Variants in SEC31A observed in about 807,000 individuals in gnomAD.
SEC31A encodes the protein SEC31 homolog A, COPII component, also known as protein transport protein Sec31A.
Under a neutral mutation model 151.0 loss-of-function variants are expected in SEC31A, and 70 were observed. That is an observed-to-expected ratio of 0.46 (90% CI 0.38 to 0.57). The LOEUF (loss-of-function observed/expected upper bound fraction) is 0.57. SEC31A is among the 20% of genes least tolerant of loss of function. SEC31A has a pLI of 0.00. For synonymous variants in SEC31A, 475 were observed against 505.9 expected (o/e 0.94, Z 0.82); for missense variants, 1,330 against 1,471.2 (o/e 0.90, Z 1.57).
chr4:82,870,781 G>A (rs767503459), intron 7 of SEC31A, among the ~76,000 whole-genome samples: 6 of 152,030 alleles, frequency 3.9e-5, no homozygotes, highest in Admixed American at 2.6e-4. Context: ...ACTTAGTAAC[G>A]TATATGCTAT....
chr4:82,837,185 ATATATATATATATAATT>A (rs1727549233), intron 22 of SEC31A, among the ~76,000 whole-genome samples: 2 of 53,034 alleles, frequency 3.8e-5, no homozygotes, highest in Admixed American at 5.9e-4. Flanking sequence ...ATATATATAT[ATATATATATATATAATT>A]TCACCACAAT....
At chr4:82,854,394 T>C (rs1336375536) in intron 17 of SEC31A, among the ~76,000 whole-genome samples, 2 of 152,026 alleles carry the variant, frequency 1.3e-5, no homozygotes, top group Admixed American at 6.6e-5. Flanking sequence ...GTTAGTATTT[T>C]GTAATTTTTA....
chr4:82,891,249 G>C (rs1719702178), upstream of SEC31A: 1 of 1,392,296 alleles, frequency 7.2e-7, no homozygotes, highest in African/African-American at 1.4e-5. Flanking sequence ...ACACTTCCGG[G>C]AGCGACATCT....
chr4:82,865,535 G>A (rs1735113025), intron 10 of SEC31A, among the ~76,000 whole-genome samples: 1 of 81,582 alleles, frequency 1.2e-5, no homozygotes, highest in Non-Finnish European at 2.6e-5. Context: ...AAAAAAATGT[G>A]GTATATATAT....
In SEC31A at chr4:82,880,876, G is replaced by A. The variant is rs1329512859; in HGVS notation, c.126C>T (p.Ser42=). The A allele has an allele frequency of 1.2e-6, 2 of 1,611,296 alleles. No individual in the cohort carries two copies. Among genetic ancestry groups the A allele is most frequent in the Non-Finnish European group, 8.5e-7 (1 of 1,177,820 alleles). ...AGAGGTCTAATTCAAATATCTCAAG[G>A]GAAGCATTCGTACTAAATGTTGCAT... ...QLDATFSTNA[S]LEIFELDLSD... The change falls in exon 3 of 27, where the codon TCC becomes TCT. Residue 42 remains serine (S), a synonymous_variant. Transcript: ENST00000395310.
chr4:82,851,391 A>T (rs747525072), intron 19 of SEC31A, 40 bp downstream of exon 19: 3 of 1,544,022 alleles, frequency 1.9e-6, no homozygotes, highest in Non-Finnish European at 2.7e-6. Flanking sequence ...TACTGGACTC[A>T]CCTTACTCAA....
chr4:82,857,979 A>G (rs1446593455), intron 14 of SEC31A: 3 of 403,132 alleles, frequency 7.4e-6, no homozygotes, highest in Non-Finnish European at 1.4e-5. Context: ...AAGGTCATGA[A>G]GAATACTGGT....
In SEC31A at chr4:82,870,317, G is replaced by A; in HGVS notation, c.882+8C>T. ...GCTACAAGGTTGAGACACATTTCCT[G>A]CCCATACCTCTCCTGTGTTTGGATT... is the stretch of plus-strand genomic sequence containing the variant. On this transcript the variant is annotated splice_region_variant and intron_variant, in intron 8 of 26. Coordinates refer to ENST00000395310, the MANE Select transcript of SEC31A (RefSeq NM_001077207.4). 2 of 1,604,870 alleles carry A rather than the reference G, an allele frequency of 1.2e-6. No homozygotes were observed. The highest frequency in any genetic ancestry group is 1.7e-6 in the Non-Finnish European group (2 of 1,171,756).
intron 22 of SEC31A, among the ~76,000 whole-genome samples, chr4:82,830,232 G>A (rs1317970864): frequency 4.6e-5 from 7 of 152,154 alleles, no homozygotes; most frequent in South Asian, 2.1e-4. Flanking sequence ...GGGCTGAGGC[G>A]GGTGGATCAC....
chr4:82,841,453 TATATATATATATATAC>T (rs1270543112), intron 22 of SEC31A, among the ~76,000 whole-genome samples: 4 of 105,002 alleles, frequency 3.8e-5, no homozygotes, highest in African/African-American at 1.3e-4. Context: ...TATATATATA[TATATATATATATATAC>T]ACACACACTA....
At chr4:82,885,105 CTT>C (rs769403451) in intron 1 of SEC31A, among the ~76,000 whole-genome samples, 68 of 152,290 alleles carry the variant, frequency 4.5e-4, no homozygotes, top group Admixed American at 1.7e-3. Flanking sequence ...AATTCCACCT[CTT>C]GTTTGCCTTT....
At chr4:82,893,204 G>C (rs1289472510), upstream of SEC31A, 2 of 152,232 alleles carry the variant, frequency 1.3e-5, no homozygotes, top group Non-Finnish European at 2.9e-5. Context: ...AAGTAGCTAG[G>C]ACTACAGGCA....
intron 10 of SEC31A, among the ~76,000 whole-genome samples, chr4:82,865,113 T>C (rs1457896989): frequency 1.3e-5 from 2 of 152,148 alleles, no homozygotes; most frequent in African/African-American, 4.8e-5. Context: ...AGGTCCATTT[T>C]AGGAAGATTA....
intron 12 of SEC31A, 61 bp downstream of exon 12, chr4:82,863,257 C>CT: frequency 1.0e-6 from 1 of 985,866 alleles, no homozygotes; most frequent in Non-Finnish European, 1.6e-6. Flanking sequence ...CTGTGTAGAA[C>CT]TTTATTTTTT....
Position 82,891,130 on chromosome 4 carries a change from G to C in SEC31A, c.-47C>G, listed in dbSNP as rs570551768. 1.3e-6 allele frequency: 2 copies of C among 1,535,932 alleles called. No homozygotes were observed. The highest frequency in any genetic ancestry group is 2.4e-5 in the South Asian group (2 of 84,056). The stretch of plus-strand genomic sequence containing the variant: ...CAGCCGGATCCTGCGTTAGTGCAGC[G>C]CTCGTCGGACTCTCCCAGCATTCGC... On this transcript the variant is annotated 5_prime_UTR_variant, in exon 1 of 27. Transcript: ENST00000395310.
chr4:82,830,924 A>T (rs1725799340), intron 22 of SEC31A: 1 of 1,186,736 alleles, frequency 8.4e-7, no homozygotes, highest in South Asian at 1.5e-5. Flanking sequence ...GGTATATTTT[A>T]CAACCAATTC....
At chr4:82,888,374 CA>C (rs1486626451) in intron 1 of SEC31A, among the ~76,000 whole-genome samples, 260 of 10,712 alleles carry the variant, frequency 0.024, 8 homozygotes, top group African/African-American at 0.058. Context: ...AAAAAAAAAA[CA>C]CACAAAAAAC....
At chr4:82,856,877 T>G in intron 16 of SEC31A, 75 bp downstream of exon 16, 1 of 1,219,740 alleles carries the variant, frequency 8.2e-7, no homozygotes, top group Non-Finnish European at 1.1e-6. Context: ...GCATTTCAGT[T>G]ATCTATAATA....
Position 82,866,907 on chromosome 4 carries a change from A to T in SEC31A, c.1098T>A (p.Pro366=). Residue 366 remains proline (P), a synonymous_variant, in exon 10 of 27, where the codon CCT becomes CCA. Coordinates refer to ENST00000395310, the MANE Select transcript of SEC31A (RefSeq NM_001077207.4). ...LDPFGTGQPL[P]PLQIPQQTAQ... ...CAGTCTGCTGTGGAATTTGTAACGG[A>T]GGAAGGGGCTGTCCTGTGCCAAAGG... 3 of 1,614,134 alleles carry T rather than the reference A, an allele frequency of 1.9e-6. No individual in the cohort carries two copies. The highest frequency in any genetic ancestry group is 2.5e-6 in the Non-Finnish European group (3 of 1,180,000).
Sources: allele counts gnomAD v4.1 joint callset (sites outside exome capture counted in the v4.1 genomes callset), GRCh38; gene constraint gnomAD v4.1.1; transcripts MANE v1.5; gene names NCBI Gene and HGNC (gene_info 2026-07-23, HGNC 2026-07-21).